Variants in ZMAT4 observed in about 807,000 individuals in gnomAD.
The protein encoded by ZMAT4 is zinc finger matrin-type protein 4.
In ZMAT4, 17 loss-of-function variants were observed where a neutral mutation model predicts 28.7. That is an observed-to-expected ratio of 0.59 (90% CI 0.41 to 0.89). The LOEUF (loss-of-function observed/expected upper bound fraction) is 0.89. Ranked by LOEUF, ZMAT4 falls within the 40% of genes least tolerant of loss-of-function variation. The probability of loss-of-function intolerance (pLI) is 0.00; values close to 1 mark genes in which losing one functional copy is unlikely to be tolerated. For synonymous variants in ZMAT4, 117 were observed against 109.2 expected (o/e 1.07, Z -0.44); for missense variants, 240 against 283.8 (o/e 0.85, Z 1.11).
chr8:40,688,151 C>A (rs1585880554), intron 4 of ZMAT4, among the ~76,000 whole-genome samples: 1 of 152,110 alleles, frequency 6.6e-6, no homozygotes, highest in African/African-American at 2.4e-5. Flanking sequence ...ACCACCACCA[C>A]AACAAATTTA....
intron 1 of ZMAT4, among the ~76,000 whole-genome samples, chr8:40,851,058 G>A (rs1817086157): frequency 6.6e-6 from 1 of 152,112 alleles, no homozygotes; most frequent in Non-Finnish European, 1.5e-5. Context: ...CAGACATGGT[G>A]GCTTACATCT....
chr8:40,830,206 T>C lies in ZMAT4; in HGVS notation c.-4-4526A>G, dbSNP rs146706306. 2.8e-3 allele frequency among the ~76,000 whole-genome samples: 419 copies of C among 152,278 alleles called. 1 individual carries two copies. Among genetic ancestry groups the C allele is most frequent in the African/African-American group, 9.7e-3 (401 of 41,544 alleles). The stretch of plus-strand genomic sequence containing the variant: ...ATTCTTTTTAAATTTTTATTTTAGG[T>C]TCAGGGGGTACAGGTGCTTGTTTGT... On this transcript the variant is annotated intron_variant, in intron 1 of 6. Transcript: ENST00000297737.
intron 6 of ZMAT4, among the ~76,000 whole-genome samples, chr8:40,560,337 C>T (rs886229619): frequency 6.6e-6 from 1 of 151,902 alleles, no homozygotes; most frequent in Non-Finnish European, 1.5e-5. Context: ...GTAGTAAATT[C>T]CTATGCCACA....
chr8:40,750,422 A>T (rs1004435680), intron 3 of ZMAT4, among the ~76,000 whole-genome samples: 3 of 152,022 alleles, frequency 2.0e-5, no homozygotes, highest in Admixed American at 2.0e-4. Flanking sequence ...GAGAGTGAAG[A>T]CTCACGGTGC....
chr8:40,590,004 C>CCTTCCTTCCTTCCTTA (rs1804834455), intron 5 of ZMAT4, among the ~76,000 whole-genome samples: 1 of 118,276 alleles, frequency 8.5e-6, no homozygotes, highest in African/African-American at 3.2e-5. Context: ...TTCCTTCCTT[C>CCTTCCTTCCTTCCTTA]CTTCCTTCCT....
chr8:40,862,669 T>C (rs1452281525), intron 1 of ZMAT4, among the ~76,000 whole-genome samples: 1 of 149,938 alleles, frequency 6.7e-6, no homozygotes, highest in East Asian at 2.0e-4. Flanking sequence ...ATGTCCTTTG[T>C]AGGGACATGG....
At chr8:40,819,538 G>C (rs757450520) in intron 2 of ZMAT4, among the ~76,000 whole-genome samples, 2 of 152,122 alleles carry the variant, frequency 1.3e-5, no homozygotes, top group African/African-American at 2.4e-5. Context: ...AGCTCTACAG[G>C]GGGGAGCACG....
At chr8:40,604,100 TCA>T (rs1805496540) in intron 5 of ZMAT4, among the ~76,000 whole-genome samples, 2 of 152,226 alleles carry the variant, frequency 1.3e-5, no homozygotes, top group Non-Finnish European at 2.9e-5. Context: ...AATTCATTTA[TCA>T]GATCTAGGAG....
intron 3 of ZMAT4, among the ~76,000 whole-genome samples, chr8:40,735,228 T>C (rs1811713725): frequency 6.6e-6 from 1 of 152,218 alleles, no homozygotes; most frequent in Non-Finnish European, 1.5e-5. Flanking sequence ...AAGTAAGACA[T>C]GAGATACCCA....
intron 3 of ZMAT4, among the ~76,000 whole-genome samples, chr8:40,722,387 A>C (rs1181720264): frequency 6.6e-6 from 1 of 152,220 alleles, no homozygotes; most frequent in Non-Finnish European, 1.5e-5. Flanking sequence ...TAGAGCTATT[A>C]GCCAGAAGCA....
chr8:40,568,590 C>T (rs1052952924), intron 6 of ZMAT4, among the ~76,000 whole-genome samples: 10 of 152,090 alleles, frequency 6.6e-5, no homozygotes, highest in Admixed American at 3.3e-4. Context: ...ACCCGTTCCT[C>T]GGGGCCCATT....
intron 3 of ZMAT4, among the ~76,000 whole-genome samples, chr8:40,732,096 T>C (rs1811567060): frequency 6.6e-6 from 1 of 152,062 alleles, no homozygotes; most frequent in Non-Finnish European, 1.5e-5. Flanking sequence ...TTAATGGGTA[T>C]AGAGTTTCAT....
At chr8:40,853,353 G>A (rs938614910) in intron 1 of ZMAT4, among the ~76,000 whole-genome samples, 2 of 152,076 alleles carry the variant, frequency 1.3e-5, no homozygotes, top group Non-Finnish European at 2.9e-5. Flanking sequence ...TCAGGAGTTC[G>A]AGACCAGCCT....
At chr8:40,616,471 G>A (rs2118675925) in intron 5 of ZMAT4, among the ~76,000 whole-genome samples, 1 of 152,284 alleles carries the variant, frequency 6.6e-6, no homozygotes, top group East Asian at 1.9e-4. Flanking sequence ...CAATAGCAAA[G>A]AATTGGAACC....
chr8:40,536,193 A>T (rs920844705), intron 6 of ZMAT4, among the ~76,000 whole-genome samples: 1 of 152,198 alleles, frequency 6.6e-6, no homozygotes, highest in African/African-American at 2.4e-5. Flanking sequence ...TGGCCAATAA[A>T]TATTCAAGAC....
chr8:40,707,196 A>G (rs1239304660), intron 3 of ZMAT4, among the ~76,000 whole-genome samples: 1 of 150,784 alleles, frequency 6.6e-6, no homozygotes, highest in African/African-American at 2.4e-5. Context: ...TCACTCCCAC[A>G]GAACTTCCTT....
At chr8:40,865,042 A>G (rs1420518947) in intron 1 of ZMAT4, among the ~76,000 whole-genome samples, 3 of 152,214 alleles carry the variant, frequency 2.0e-5, no homozygotes, top group African/African-American at 7.2e-5. Context: ...GTGCAAGGTC[A>G]AGCAAAAATG....
chr8:40,820,814 T>TCA (rs879501808), intron 2 of ZMAT4, among the ~76,000 whole-genome samples: 6 of 21,084 alleles, frequency 2.8e-4, no homozygotes, highest in South Asian at 1.0e-3. Context: ...TGTGTGGGTG[T>TCA]GTGTATGTGT....
chr8:40,643,503 C>G (rs1295437637), intron 5 of ZMAT4, among the ~76,000 whole-genome samples: 2 of 152,112 alleles, frequency 1.3e-5, no homozygotes, highest in Non-Finnish European at 2.9e-5. Context: ...TAGCGCATAT[C>G]AAGTGACAGA....
Sources: allele counts gnomAD v4.1 joint callset (sites outside exome capture counted in the v4.1 genomes callset), GRCh38; gene constraint gnomAD v4.1.1; transcripts MANE v1.5; gene names NCBI Gene and HGNC (gene_info 2026-07-23, HGNC 2026-07-21).